GALNTL6: variants seen among roughly 807,000 people sequenced by gnomAD.
GALNTL6 encodes the protein polypeptide N-acetylgalactosaminyltransferase-like 6.
In GALNTL6, 46 loss-of-function variants were observed where a neutral mutation model predicts 73.7. The ratio of observed to expected loss-of-function variants is 0.62; its 90% confidence interval spans 0.49 to 0.80. The LOEUF (loss-of-function observed/expected upper bound fraction) is 0.80, where lower values mean the gene tolerates loss of function less well. GALNTL6 is among the 30% of genes least tolerant of loss of function. The probability of loss-of-function intolerance (pLI) is 0.00; values close to 1 mark genes in which losing one functional copy is unlikely to be tolerated. For missense variants in GALNTL6, 604 were observed against 755.0 expected, an observed-to-expected ratio of 0.80 and a Z score of 2.34; for synonymous variants, 259 against 263.7, an observed-to-expected ratio of 0.98 and a Z score of 0.17.
rs5864141 is a variant in GALNTL6, at chr4:172,592,670, GTCTATCTA to G, written c.554-216652_554-216645del. Among the ~76,000 whole-genome samples the G allele has an allele frequency of 4.2e-3, 598 of 142,088 alleles. 3 individuals carry two copies. Among genetic ancestry groups the G allele is most frequent in the South Asian group, 0.019 (82 of 4,322 alleles). 93.2% of individuals were successfully genotyped at this position (142,088 alleles called of 152,430 possible). A position where few individuals can be genotyped will look rare whatever the true frequency, so the allele number is the denominator to read the frequency against. ...CAAATCTATATCTGTCTGTCTGTCT[GTCTATCTA>G]TCTATCTATCTATCTATCTATCTAT... On this transcript the variant is annotated intron_variant, in intron 5 of 12. Coordinates refer to ENST00000506823, the MANE Select transcript of GALNTL6 (RefSeq NM_001034845.3).
At chr4:172,452,444 C>G (rs1265849799) in intron 5 of GALNTL6, among the ~76,000 whole-genome samples, 1 of 152,266 alleles carries the variant, frequency 6.6e-6, no homozygotes, top group East Asian at 1.9e-4. Context: ...ACTAACCCCT[C>G]TGGACCTCAG....
chr4:172,235,369 G>A (rs1012176581), intron 3 of GALNTL6, among the ~76,000 whole-genome samples: 1 of 151,660 alleles, frequency 6.6e-6, no homozygotes. Context: ...CACCATGCCC[G>A]GCTAATTTTT....
intron 7 of GALNTL6, among the ~76,000 whole-genome samples, chr4:172,829,401 C>G (rs1033281730): frequency 6.6e-6 from 1 of 152,168 alleles, no homozygotes; most frequent in Non-Finnish European, 1.5e-5. Context: ...CCTTTGGCAC[C>G]TCATTGCTTC....
intron 2 of GALNTL6, among the ~76,000 whole-genome samples, chr4:172,223,264 A>G (rs938454655): frequency 2.6e-5 from 4 of 152,074 alleles, no homozygotes; most frequent in Non-Finnish European, 5.9e-5. Context: ...TCAGAATGTA[A>G]ATAACAAGAT....
intron 2 of GALNTL6, among the ~76,000 whole-genome samples, chr4:172,199,161 A>G (rs1021245148): frequency 6.6e-6 from 1 of 152,204 alleles, no homozygotes; most frequent in African/African-American, 2.4e-5. Context: ...TAAGCATTTC[A>G]TCAGTGTTTG....
chr4:172,013,885 ACT>A (rs1741100085), intron 2 of GALNTL6, among the ~76,000 whole-genome samples: 2 of 126,890 alleles, frequency 1.6e-5, no homozygotes, highest in African/African-American at 5.8e-5. Context: ...CCCTTCCCAG[ACT>A]CTGATACCAT....
intron 2 of GALNTL6, among the ~76,000 whole-genome samples, chr4:171,829,347 G>A (rs1734904992): frequency 1.3e-5 from 2 of 152,060 alleles, no homozygotes; most frequent in South Asian, 4.2e-4. Flanking sequence ...GTTTATCCAA[G>A]GTGCTTAACT....
chr4:171,841,091 T>C (rs1336042922), intron 2 of GALNTL6, among the ~76,000 whole-genome samples: 1 of 152,234 alleles, frequency 6.6e-6, no homozygotes, highest in Non-Finnish European at 1.5e-5. Context: ...TAGAAGATTC[T>C]TTCCCTGCTG....
At chr4:172,417,951 T>A (rs1348420512) in intron 5 of GALNTL6, among the ~76,000 whole-genome samples, 1 of 152,186 alleles carries the variant, frequency 6.6e-6, no homozygotes, top group Non-Finnish European at 1.5e-5. Context: ...TGAGTCTGTT[T>A]CATTTTTGTG....
chr4:171,992,232 G>T (rs1271598151), intron 2 of GALNTL6, among the ~76,000 whole-genome samples: 2 of 151,878 alleles, frequency 1.3e-5, no homozygotes, highest in African/African-American at 4.8e-5. Context: ...GCTGACAAAA[G>T]AACTGATCTA....
intron 5 of GALNTL6, among the ~76,000 whole-genome samples, chr4:172,613,122 C>T (rs1209233222): frequency 6.6e-6 from 1 of 152,070 alleles, no homozygotes; most frequent in African/African-American, 2.4e-5. Context: ...GTAGATAAGG[C>T]CTCAGCCTTT....
At chr4:172,485,013 T>C (rs11132946) in intron 5 of GALNTL6, among the ~76,000 whole-genome samples, 15,037 of 152,162 alleles carry the variant, frequency 0.099, 902 homozygotes, top group East Asian at 0.23. Context: ...GAAAGAAATA[T>C]AGAATTGATT....
At chr4:171,976,589 G>T (rs1397980984) in intron 2 of GALNTL6, among the ~76,000 whole-genome samples, 1 of 152,158 alleles carries the variant, frequency 6.6e-6, no homozygotes, top group African/African-American at 2.4e-5. Context: ...AACATGCAGC[G>T]TTTCTCAAAA....
intron 5 of GALNTL6, among the ~76,000 whole-genome samples, chr4:172,618,067 T>G (rs913889260): frequency 2.6e-5 from 4 of 152,246 alleles, no homozygotes; most frequent in Non-Finnish European, 4.4e-5. Context: ...AAATTCTTTA[T>G]TGTTATTTTA....
intron 7 of GALNTL6, among the ~76,000 whole-genome samples, chr4:172,875,141 C>G (rs969754464): frequency 2.0e-5 from 3 of 152,154 alleles, no homozygotes. Context: ...AACACTGAAG[C>G]GCTGCTATCA....
intron 2 of GALNTL6, among the ~76,000 whole-genome samples, chr4:172,202,281 G>A (rs926841311): frequency 6.6e-6 from 1 of 152,102 alleles, no homozygotes; most frequent in Non-Finnish European, 1.5e-5. Flanking sequence ...CTGAGATTAA[G>A]GCAAATGATG....
At position 172,052,857 on chromosome 4, in the gene GALNTL6, C is replaced by A. The variant is rs114037289; in HGVS notation, c.139-176799C>A. Among the ~76,000 whole-genome samples, 711 of 152,266 alleles carry A rather than the reference C, an allele frequency of 4.7e-3. 4 individuals carry two copies. Among genetic ancestry groups the A allele is most frequent in the African/African-American group, 0.012 (498 of 41,574 alleles). ...AAACATACATACATATTCACACACA[C>A]TCTCTCACACACACAATTGTATTTG... On this transcript the variant is annotated intron_variant, in intron 2 of 12. Coordinates refer to ENST00000506823, the MANE Select transcript of GALNTL6 (RefSeq NM_001034845.3).
intron 2 of GALNTL6, among the ~76,000 whole-genome samples, chr4:171,868,672 A>G (rs1210133369): frequency 6.6e-6 from 1 of 151,954 alleles, no homozygotes; most frequent in Non-Finnish European, 1.5e-5. Flanking sequence ...CTCCTCAGTA[A>G]CTGAACATTC....
chr4:172,706,435 A>G (rs1204047724), intron 5 of GALNTL6, among the ~76,000 whole-genome samples: 1 of 152,076 alleles, frequency 6.6e-6, no homozygotes, highest in Non-Finnish European at 1.5e-5. Flanking sequence ...TCACATAAAC[A>G]TCTTATTAGG....
Sources: allele counts gnomAD v4.1 joint callset (sites outside exome capture counted in the v4.1 genomes callset), GRCh38; gene constraint gnomAD v4.1.1; transcripts MANE v1.5; gene names NCBI Gene and HGNC (gene_info 2026-07-23, HGNC 2026-07-21).